CAMTA1: variants seen among roughly 807,000 people sequenced by gnomAD.
CAMTA1 encodes calmodulin-binding transcription activator 1.
Under a neutral mutation model 170.9 loss-of-function variants are expected in CAMTA1, and 27 were observed. The observed-to-expected ratio is 0.16, with a 90% CI of 0.12 to 0.22. CAMTA1 has a LOEUF of 0.22. Among genes scored for constraint, CAMTA1 ranks in the 10% least tolerant of loss-of-function variants. The probability of loss-of-function intolerance (pLI) is 1.00; values close to 1 mark genes in which losing one functional copy is unlikely to be tolerated. For synonymous variants in CAMTA1, 833 were observed against 891.5 expected, an observed-to-expected ratio of 0.93 and a Z score of 1.17; for missense variants, 1,619 against 2,217.2, an observed-to-expected ratio of 0.73 and a Z score of 5.42.
intron 3 of CAMTA1, among the ~76,000 whole-genome samples, chr1:6,987,626 A>T (rs1029374942): frequency 6.6e-6 from 1 of 152,218 alleles, no homozygotes; most frequent in Non-Finnish European, 1.5e-5. Context: ...TCTGACCGGA[A>T]CAAACAGTGA....
intron 5 of CAMTA1, among the ~76,000 whole-genome samples, chr1:7,425,004 C>T (rs144138216): frequency 2.6e-5 from 4 of 152,098 alleles, no homozygotes; most frequent in African/African-American, 4.8e-5. Context: ...CAGGGGGGCT[C>T]GGGGAATCCA....
intron 3 of CAMTA1, among the ~76,000 whole-genome samples, chr1:7,011,266 G>A (rs1362522747): frequency 6.6e-6 from 1 of 152,138 alleles, no homozygotes; most frequent in Non-Finnish European, 1.5e-5. Flanking sequence ...GGGCAATGCT[G>A]TGATCTCGGC....
chr1:7,259,135 G>A (rs1034789739), intron 5 of CAMTA1, among the ~76,000 whole-genome samples: 1 of 152,186 alleles, frequency 6.6e-6, no homozygotes, highest in African/African-American at 2.4e-5. Flanking sequence ...GTGCGGGTGT[G>A]TGGGTTTCTG....
rs116350051 is a variant in CAMTA1, at chr1:7,731,770, G to A, written c.2915-678G>A. Among the ~76,000 whole-genome samples, 992 of 152,036 alleles carry A rather than the reference G, an allele frequency of 6.5e-3. 9 individuals are homozygous for A. The highest frequency in any genetic ancestry group is 0.023 in the African/African-American group (937 of 41,428). ...TGCACACCTATGGTTCCATCTGCTC[G>A]GGAGGCTGAGATGGGAGGATGGCTT... is the stretch of plus-strand genomic sequence containing the variant. On this transcript the variant is annotated intron_variant, in intron 11 of 22. Coordinates refer to ENST00000303635, the MANE Select transcript of CAMTA1 (RefSeq NM_015215.4).
At chr1:7,140,644 A>T (rs542403111) in intron 4 of CAMTA1, among the ~76,000 whole-genome samples, 5 of 152,338 alleles carry the variant, frequency 3.3e-5, no homozygotes, top group African/African-American at 1.2e-4. Context: ...GGTTCTACAA[A>T]ACTGAGTTTA....
chr1:7,736,206 A>T lies in CAMTA1; in HGVS notation c.3067-138A>T. On this transcript the variant is annotated intron_variant, in intron 12 of 22. Transcript: ENST00000303635. The surrounding 1 kb of genome is among the most constrained non-coding windows in gnomAD (Gnocchi z 4.5). Reference sequence around the variant, plus strand: ...AGGCATGATCCAGCATGCCCAGCCAATGTTTCTTTATTTTCAGTGTTTTAT... The same window carrying T: ...AGGCATGATCCAGCATGCCCAGCCATTGTTTCTTTATTTTCAGTGTTTTAT... The T allele has an allele frequency of 1.3e-6, 1 of 780,382 alleles. No homozygotes were observed. Among genetic ancestry groups the T allele is most frequent in the Non-Finnish European group, 2.0e-6 (1 of 489,776 alleles). 48.3% of individuals were successfully genotyped at this position (780,382 alleles called of 1,614,324 possible). A position where few individuals can be genotyped will look rare whatever the true frequency, so the allele number is the denominator to read the frequency against.
In CAMTA1 at chr1:7,685,119, G is replaced by A. The variant is rs984318392; in HGVS notation, c.2914+7386G>A. Among the ~76,000 whole-genome samples the A allele has an allele frequency of 6.6e-6, 1 of 152,116 alleles. No individual in the cohort carries two copies. The highest frequency in any genetic ancestry group is 1.5e-5 in the Non-Finnish European group (1 of 68,014). On this transcript the variant is annotated intron_variant, in intron 11 of 22. Transcript: ENST00000303635. The surrounding 1 kb of genome is among the most constrained non-coding windows in gnomAD (Gnocchi z 5.7). ...GAGGAGTTCGCAGGCACCGTCCTGC[G>A]GTCACAGGTGGTGTGTTTTGAGGAG...
chr1:7,164,503 A>G (rs1318513804), intron 4 of CAMTA1, among the ~76,000 whole-genome samples: 16 of 152,188 alleles, frequency 1.1e-4, no homozygotes, highest in Admixed American at 1.0e-3. Context: ...TTGGCGCTTT[A>G]TTCCAAAGCT....
chr1:7,049,166 C>T (rs1340484455), intron 3 of CAMTA1, among the ~76,000 whole-genome samples: 1 of 152,200 alleles, frequency 6.6e-6, no homozygotes, highest in Non-Finnish European at 1.5e-5. Flanking sequence ...GTACGAACTA[C>T]AGGCTGGTTC....
chr1:7,344,168 G>T (rs2084048320), intron 5 of CAMTA1, among the ~76,000 whole-genome samples: 1 of 152,210 alleles, frequency 6.6e-6, no homozygotes, highest in Non-Finnish European at 1.5e-5. Flanking sequence ...TGAGATGATT[G>T]AGGGCTGGAC....
intron 4 of CAMTA1, among the ~76,000 whole-genome samples, chr1:7,229,099 G>C (rs1662224736): frequency 6.6e-6 from 1 of 152,000 alleles, no homozygotes; most frequent in Non-Finnish European, 1.5e-5. Context: ...TCCAGGAGGA[G>C]ATGATGAGGC....
chr1:7,273,074 G>A (rs1290954776), intron 5 of CAMTA1, among the ~76,000 whole-genome samples: 1 of 152,148 alleles, frequency 6.6e-6, no homozygotes, highest in Non-Finnish European at 1.5e-5. Context: ...CACTAGGATG[G>A]CTATAACAAA....
intron 1 of CAMTA1, among the ~76,000 whole-genome samples, chr1:6,809,207 A>G (rs1644886458): frequency 6.6e-6 from 1 of 151,908 alleles, no homozygotes; most frequent in South Asian, 2.1e-4. Flanking sequence ...TCGTATTTTT[A>G]GTAGAGACGG....
chr1:7,350,608 A>C (rs2084594537), intron 5 of CAMTA1, among the ~76,000 whole-genome samples: 1 of 152,086 alleles, frequency 6.6e-6, no homozygotes. Flanking sequence ...ACTGTTAGAA[A>C]ATTTCATTTT....
chr1:7,712,350 T>A (rs181666699), intron 11 of CAMTA1, among the ~76,000 whole-genome samples: 2 of 152,222 alleles, frequency 1.3e-5, no homozygotes, highest in Admixed American at 6.5e-5. Context: ...AGACAGGGTC[T>A]GACTCTGATG....
chr1:6,794,501 TAA>T (rs957958894), intron 1 of CAMTA1, among the ~76,000 whole-genome samples: 1 of 152,074 alleles, frequency 6.6e-6, no homozygotes, highest in South Asian at 2.1e-4. Flanking sequence ...TTGCTTAAAT[TAA>T]AAAAAATCCA....
At chr1:7,627,692 A>G (rs1162549881) in intron 6 of CAMTA1, among the ~76,000 whole-genome samples, 1 of 152,228 alleles carries the variant, frequency 6.6e-6, no homozygotes, top group Non-Finnish European at 1.5e-5. Flanking sequence ...CTTCCTCAGC[A>G]TCAGATAGAC....
intron 4 of CAMTA1, among the ~76,000 whole-genome samples, chr1:7,188,215 T>C (rs1653824613): frequency 6.6e-6 from 1 of 152,144 alleles, no homozygotes; most frequent in Admixed American, 6.6e-5. Flanking sequence ...CACCTGAGGA[T>C]TACAATTCAA....
intron 3 of CAMTA1, among the ~76,000 whole-genome samples, chr1:7,026,635 C>CTTTT: frequency 8.6e-6 from 1 of 116,550 alleles, no homozygotes; most frequent in Non-Finnish European, 1.7e-5. Flanking sequence ...TGGGTGGCTG[C>CTTTT]TTTTTTTTTT....
Sources: gnomAD v4.1 joint callset for allele counts (sites outside exome capture counted in the v4.1 genomes callset) on GRCh38, gnomAD v4.1.1 for gene constraint, Gnocchi (gnomAD v3.1) non-coding constraint, MANE v1.5 for transcripts, NCBI Gene and HGNC (gene_info 2026-07-23, HGNC 2026-07-21) for gene names.